The following AMMECR1L variants were observed in gnomAD, a reference collection of about 807,000 sequenced individuals.
The protein encoded by AMMECR1L is AMMECR1 like, also known as AMMECR1-like protein.
Under a neutral mutation model 36.8 loss-of-function variants are expected in AMMECR1L, and 4 were observed. That is an observed-to-expected ratio of 0.11 (90% CI 0.05 to 0.25). The LOEUF is 0.25. AMMECR1L is among the 10% of genes least tolerant of loss of function. The pLI is 1.00. For synonymous variants in AMMECR1L, 147 were observed against 148.0 expected (o/e 0.99, Z 0.05); for missense variants, 232 against 392.1 (o/e 0.59, Z 3.45).
At position 127,861,728 on chromosome 2, in the gene AMMECR1L, C is replaced by G. The variant is rs565151188; in HGVS notation, c.*3366G>C. ...AGCCAAGAGGCAACCAAGTGTAATA[C>G]AAAGAATTGGTCTGAAGTCTTTGCA... On this transcript the variant is annotated 3_prime_UTR_variant, in exon 8 of 8. Transcript: ENST00000272647. The G allele has an allele frequency of 6.6e-6, 1 of 152,184 alleles. No homozygotes were observed. Among genetic ancestry groups the G allele is most frequent in the Non-Finnish European group, 1.5e-5 (1 of 68,026 alleles). The allele number at this position is 152,184 out of a possible 1,614,324, so 9.4% of individuals were successfully genotyped here. A position where few individuals can be genotyped will look rare whatever the true frequency, so the allele number is the denominator to read the frequency against.
rs569671349 is a variant in AMMECR1L, at chr2:127,871,804, T to C, written c.408-445A>G. ...CTGCAAACCCATGTTGCTTCCATGA[T>C]CATGTCTGCCCCTGACAACTACAAA... On this transcript the variant is annotated intron_variant, in intron 3 of 7. Coordinates refer to ENST00000272647, the MANE Select transcript of AMMECR1L (RefSeq NM_001199140.2). This position sits in a 1 kb window ranked among gnomAD's most constrained non-coding sequence, Gnocchi z 4.3. 2.0e-5 allele frequency among the ~76,000 whole-genome samples: 3 copies of C among 152,260 alleles called. No individual in the cohort carries two copies. In the South Asian group the frequency reaches 6.2e-4, roughly 32 times the overall value.
At chr2:127,885,052 A>C in intron 1 of AMMECR1L, 1 of 542,296 alleles carries the variant, frequency 1.8e-6, no homozygotes, top group Non-Finnish European at 2.3e-6. Context: ...CAGGGAATGT[A>C]GGAGGGCAAG....
chr2:127,869,624 GT>G lies in AMMECR1L; in HGVS notation c.634-81del. Reference sequence around the variant, plus strand: ...CAGTCCCCACATATAAATCAACATTGTTCCCTGACCAGCTTAACACAGGCCT... The same window carrying G: ...CAGTCCCCACATATAAATCAACATTGTCCCTGACCAGCTTAACACAGGCCT... On this transcript the variant is annotated intron_variant, in intron 5 of 7. Coordinates refer to ENST00000272647, the MANE Select transcript of AMMECR1L (RefSeq NM_001199140.2). The surrounding 1 kb of genome is among the most constrained non-coding windows in gnomAD (Gnocchi z 4.7). 1 of 1,200,008 alleles carries G rather than the reference GT, an allele frequency of 8.3e-7. No individual in the cohort carries two copies. Among genetic ancestry groups the G allele is most frequent in the Non-Finnish European group, 1.2e-6 (1 of 808,144 alleles). The allele number at this position is 1,200,008 out of a possible 1,614,324, so 74.3% of individuals were successfully genotyped here.
In AMMECR1L at chr2:127,882,496, C is replaced by T. The variant is rs11889120; in HGVS notation, c.-39+1707G>A. Among the ~76,000 whole-genome samples, 185 of 152,278 alleles carry T rather than the reference C, an allele frequency of 1.2e-3. 3 individuals are homozygous for T. In the Middle Eastern group the frequency reaches 0.027, roughly 22 times the overall value. ...CCCACATACATTCTGGTAACCATACCAAATAATCATTTATTTTTGAAACCC... is the reference window on the plus strand; with the variant it reads ...CCCACATACATTCTGGTAACCATACTAAATAATCATTTATTTTTGAAACCC... On this transcript the variant is annotated intron_variant, in intron 2 of 7. Transcript: ENST00000272647.
intron 1 of AMMECR1L, 136 bp downstream of exon 1, chr2:127,885,674 C>T: frequency 1.0e-6 from 1 of 983,976 alleles, no homozygotes; most frequent in Non-Finnish European, 1.2e-6. Context: ...GACCCTCGCC[C>T]CAGGACCGCG....
Position 127,865,063 on chromosome 2 carries a change from G to T in AMMECR1L, c.*31C>A. On this transcript the variant is annotated 3_prime_UTR_variant, in exon 8 of 8. Transcript: ENST00000272647. This position sits in a 1 kb window ranked among gnomAD's most constrained non-coding sequence, Gnocchi z 5.4. ...TGATGTCATAGCCATTGGTGGCCAC[G>T]GGGGGGTGGGACTGGTCATGCAGCC... 1 of 1,501,752 alleles carries T rather than the reference G, an allele frequency of 6.7e-7. No individual in the cohort carries two copies. Among genetic ancestry groups the T allele is most frequent in the South Asian group, 1.2e-5 (1 of 86,372 alleles). The allele number at this position is 1,501,752 out of a possible 1,614,324, so 93.0% of individuals were successfully genotyped here.
chr2:127,877,970 A>T (rs1361956407), intron 2 of AMMECR1L, among the ~76,000 whole-genome samples: 2 of 151,988 alleles, frequency 1.3e-5, no homozygotes, highest in Non-Finnish European at 2.9e-5. Context: ...AAGCAAGAGG[A>T]TCCCCTTGAG....
In AMMECR1L at chr2:127,869,323, T is replaced by C; in HGVS notation, c.724+131A>G. ...CTTGGTTCTATAGGAATTTGACAGGTATTAAGAGGCAGAAAGGCCCTCATT... is the reference window on the plus strand; with the variant it reads ...CTTGGTTCTATAGGAATTTGACAGGCATTAAGAGGCAGAAAGGCCCTCATT... On this transcript the variant is annotated intron_variant, in intron 6 of 7. Coordinates refer to ENST00000272647, the MANE Select transcript of AMMECR1L (RefSeq NM_001199140.2). The surrounding 1 kb of genome is among the most constrained non-coding windows in gnomAD (Gnocchi z 4.7). The C allele has an allele frequency of 1.2e-6, 1 of 830,590 alleles. No individual in the cohort carries two copies. The highest frequency in any genetic ancestry group is 2.0e-6 in the Non-Finnish European group (1 of 505,690). 51.5% of individuals were successfully genotyped at this position (830,590 alleles called of 1,614,324 possible). A position where few individuals can be genotyped will look rare whatever the true frequency, so the allele number is the denominator to read the frequency against.
chr2:127,865,260 A>C lies in AMMECR1L; in HGVS notation c.822-55T>G. On this transcript the variant is annotated intron_variant, in intron 7 of 7. Coordinates refer to ENST00000272647, the MANE Select transcript of AMMECR1L (RefSeq NM_001199140.2). This position sits in a 1 kb window ranked among gnomAD's most constrained non-coding sequence, Gnocchi z 5.4. ...GAACCCCAAACGCTTCATTTTGTAA[A>C]GTCACTCAGCAGAGAAAAACCAAAA... The C allele has an allele frequency of 7.6e-7, 1 of 1,315,774 alleles. No homozygotes were observed. Among genetic ancestry groups the C allele is most frequent in the South Asian group, 1.3e-5 (1 of 75,688 alleles). The allele number at this position is 1,315,774 out of a possible 1,614,324, so 81.5% of individuals were successfully genotyped here. A position where few individuals can be genotyped will look rare whatever the true frequency, so the allele number is the denominator to read the frequency against.
At chr2:127,882,485 G>C (rs1691548944) in intron 2 of AMMECR1L, among the ~76,000 whole-genome samples, 1 of 152,090 alleles carries the variant, frequency 6.6e-6, no homozygotes, top group Non-Finnish European at 1.5e-5. Flanking sequence ...CATACATTCT[G>C]GTAACCATAC....
In AMMECR1L at chr2:127,883,538, A is replaced by G. The variant is rs1691616424; in HGVS notation, c.-39+665T>C. On this transcript the variant is annotated intron_variant, in intron 2 of 7. Coordinates refer to ENST00000272647, the MANE Select transcript of AMMECR1L (RefSeq NM_001199140.2). ...GGGCCTCAGTTCTTTCATTTGTAAA[A>G]TAAAAACATTTATCCCCTGTGTCCC... Among the ~76,000 whole-genome samples, 2 of 152,186 alleles carry G rather than the reference A, an allele frequency of 1.3e-5. 1 individual carries two copies. The highest frequency in any genetic ancestry group is 1.3e-4 in the Admixed American group (2 of 15,286).
chr2:127,865,309 T>A lies in AMMECR1L; in HGVS notation c.822-104A>T. The A allele has an allele frequency of 1.6e-6, 1 of 640,026 alleles. No homozygotes were observed. The highest frequency in any genetic ancestry group is 2.6e-6 in the Non-Finnish European group (1 of 392,152). 39.6% of individuals were successfully genotyped at this position (640,026 alleles called of 1,614,324 possible). On this transcript the variant is annotated intron_variant, in intron 7 of 7. Coordinates refer to ENST00000272647, the MANE Select transcript of AMMECR1L (RefSeq NM_001199140.2). This position sits in a 1 kb window ranked among gnomAD's most constrained non-coding sequence, Gnocchi z 5.4. ...AAGCTTATTCCACATTTTGAAAGAA[T>A]AAAATGGAAGACCAAGAGCAATCTT...
chr2:127,878,647 C>A (rs1490619408), intron 2 of AMMECR1L, among the ~76,000 whole-genome samples: 1 of 152,146 alleles, frequency 6.6e-6, no homozygotes, highest in Non-Finnish European at 1.5e-5. Context: ...GCCTACATGC[C>A]ACATACAATC....
At chr2:127,868,157 G>A (rs867715253) in intron 6 of AMMECR1L, among the ~76,000 whole-genome samples, 4 of 152,120 alleles carry the variant, frequency 2.6e-5, no homozygotes, top group African/African-American at 7.2e-5. Flanking sequence ...GTGAGCAAAC[G>A]TGCCCAGCCT....
chr2:127,866,732 G>C (rs1425177262), intron 7 of AMMECR1L, among the ~76,000 whole-genome samples, 168 bp downstream of exon 7: 1 of 152,218 alleles, frequency 6.6e-6, no homozygotes, highest in Non-Finnish European at 1.5e-5. Context: ...AGGATGCTGG[G>C]AGAGTCTCTG....
rs749332823 is a variant in AMMECR1L at position 127,872,969 on chromosome 2, G to C, written c.407+859C>G. ...GAACAACTTCCCCTTAGCTCTGTGC[G>C]TGTGTGATTTGCCAACCTGACAGGC... is the stretch of plus-strand genomic sequence containing the variant. On this transcript the variant is annotated intron_variant, in intron 3 of 7. Transcript: ENST00000272647. 14 of 975,390 alleles carry C rather than the reference G, an allele frequency of 1.4e-5. No homozygotes were observed. The South Asian group carries it at 5.7e-4, about 40-fold the overall frequency. The allele number at this position is 975,390 out of a possible 1,614,324, so 60.4% of individuals were successfully genotyped here. A position where few individuals can be genotyped will look rare whatever the true frequency, so the allele number is the denominator to read the frequency against.
chr2:127,875,024 G>A (rs903215631), intron 2 of AMMECR1L, among the ~76,000 whole-genome samples: 1 of 152,178 alleles, frequency 6.6e-6, no homozygotes, highest in African/African-American at 2.4e-5. Flanking sequence ...GCCCTTTTGT[G>A]AGGTGGCAGT....
intron 1 of AMMECR1L, chr2:127,885,036 T>C (rs1691691627): frequency 2.1e-6 from 1 of 473,564 alleles, no homozygotes; most frequent in Non-Finnish European, 2.7e-6. Flanking sequence ...GGAGTTCAGA[T>C]CAGGACAGGG....
chr2:127,883,587 C>G (rs1691617992), intron 2 of AMMECR1L, among the ~76,000 whole-genome samples: 1 of 152,076 alleles, frequency 6.6e-6, no homozygotes, highest in South Asian at 2.1e-4. Flanking sequence ...GAGGCTTCAC[C>G]AAGAAGTGAA....
Sources: allele counts gnomAD v4.1 joint callset (sites outside exome capture counted in the v4.1 genomes callset), GRCh38; gene constraint gnomAD v4.1.1; non-coding constraint Gnocchi (gnomAD v3.1); transcripts MANE v1.5; gene names NCBI Gene and HGNC (gene_info 2026-07-23, HGNC 2026-07-21).